C1QB: variants seen among roughly 807,000 people sequenced by gnomAD.
C1QB encodes complement C1q subcomponent subunit B.
In C1QB, 2 loss-of-function variants were observed where a neutral mutation model predicts 4.6. That is an observed-to-expected ratio of 0.43 (90% CI 0.18 to 1.36). C1QB has a LOEUF of 1.36. Among genes scored for constraint, C1QB ranks in the 40% most tolerant of loss-of-function variants. C1QB has a pLI of 0.28. For synonymous variants in C1QB, 132 were observed against 137.1 expected, an observed-to-expected ratio of 0.96 and a Z score of 0.26; for missense variants, 292 against 338.0, an observed-to-expected ratio of 0.86 and a Z score of 1.07.
chr1:22,653,475 G>T (rs1642483847), intron 1 of C1QB, among the ~76,000 whole-genome samples, 172 bp downstream of exon 1: 1 of 152,240 alleles, frequency 6.6e-6, no homozygotes, highest in African/African-American at 2.4e-5. Context: ...TCTGGGGTGA[G>T]TTGGGGAGTC....
Position 22,661,262 on chromosome 1 carries a change from T to A in C1QB, c.632T>A (p.Val211Asp). The A allele has an allele frequency of 6.2e-7, 1 of 1,613,320 alleles. No individual in the cohort carries two copies. The highest frequency in any genetic ancestry group is 8.5e-7 in the Non-Finnish European group (1 of 1,179,434). The change falls in exon 3 of 3, where the codon GTC becomes GAC. Residue 211 changes from valine to aspartate, a missense_variant. Val to Asp is a radical substitution (Grantham distance 152). Coordinates refer to ENST00000509305, the MANE Select transcript of C1QB (RefSeq NM_001378156.1). ...NTFQVTTGGM[V>D]LKLEQGENVF... Reference sequence around the variant, plus strand: ...TTCCAGGTCACCACCGGTGGCATGGTCCTCAAGCTGGAGCAGGGGGAGAAC... The same window carrying A: ...TTCCAGGTCACCACCGGTGGCATGGACCTCAAGCTGGAGCAGGGGGAGAAC...
In C1QB at chr1:22,661,439, C is replaced by A; in HGVS notation, c.*53C>A. The stretch of plus-strand genomic sequence containing the variant: ...GCTCCCCCTGCCAGCAACGCTCACT[C>A]TACCCCCAACACCACCCCTTGCCCA... On this transcript the variant is annotated 3_prime_UTR_variant, in exon 3 of 3. Coordinates refer to ENST00000509305, the MANE Select transcript of C1QB (RefSeq NM_001378156.1). 6.3e-7 allele frequency: 1 copy of A among 1,599,678 alleles called. No individual in the cohort carries two copies. Among genetic ancestry groups the A allele is most frequent in the Non-Finnish European group, 8.6e-7 (1 of 1,169,028 alleles).
rs1196315027 is a variant in C1QB at position 22,661,572 on chromosome 1, G to A, written c.*186G>A. The A allele has an allele frequency of 1.5e-6, 1 of 664,350 alleles. No homozygotes were observed. The highest frequency in any genetic ancestry group is 2.7e-5 in the East Asian group (1 of 36,516). 41.2% of individuals were successfully genotyped at this position (664,350 alleles called of 1,614,324 possible). ...ATTCAACTCTGTGTCCCAGCACCTG[G>A]CACACCAGAAGTGCCATGCTCAGAA... On this transcript the variant is annotated 3_prime_UTR_variant, in exon 3 of 3. Transcript: ENST00000509305.
chr1:22,659,041 GGATGGATGGAT>G, intron 1 of C1QB, among the ~76,000 whole-genome samples: 1 of 40,992 alleles, frequency 2.4e-5, no homozygotes, highest in Admixed American at 2.4e-4. Context: ...AGAGACAGAT[GGATGGATGGAT>G]GGATGGATGG....
intron 1 of C1QB, among the ~76,000 whole-genome samples, chr1:22,658,240 C>G (rs1642555960): frequency 6.6e-6 from 1 of 152,212 alleles, no homozygotes; most frequent in African/African-American, 2.4e-5. Context: ...TCCCCTCTGT[C>G]ATACTGGCCT....
At chr1:22,654,324 C>T (rs1162182382) in intron 1 of C1QB, among the ~76,000 whole-genome samples, 1 of 152,044 alleles carries the variant, frequency 6.6e-6, no homozygotes, top group Admixed American at 6.6e-5. Flanking sequence ...TCCCCCTGCC[C>T]CTGGCTTCCC....
At chr1:22,660,721 CAG>C in intron 2 of C1QB, 89 bp from the exon 3 acceptor site, 1 of 1,304,134 alleles carries the variant, frequency 7.7e-7, no homozygotes, top group African/African-American at 1.5e-5. Context: ...GACTGAGGCT[CAG>C]AGAGAGGCAG....
intron 2 of C1QB, among the ~76,000 whole-genome samples, chr1:22,660,249 G>T (rs759308820): frequency 6.6e-5 from 10 of 152,126 alleles, no homozygotes; most frequent in Non-Finnish European, 1.2e-4. Context: ...CTCAGTCAAG[G>T]TGACACCACT....
At chr1:22,657,346 A>C (rs1025246592) in intron 1 of C1QB, among the ~76,000 whole-genome samples, 2 of 152,224 alleles carry the variant, frequency 1.3e-5, no homozygotes, top group South Asian at 2.1e-4. Flanking sequence ...AGAAGACCAA[A>C]TATATACTTT....
At chr1:22,660,687 G>A (rs1251314501) in intron 2 of C1QB, 125 bp from the exon 3 acceptor site, 2 of 963,994 alleles carry the variant, frequency 2.1e-6, no homozygotes, top group Non-Finnish European at 3.3e-6. Context: ...GCCTGACACT[G>A]CCTCCTTCGT....
intron 1 of C1QB, among the ~76,000 whole-genome samples, chr1:22,657,304 G>A (rs1297116129): frequency 1.3e-5 from 2 of 152,104 alleles, no homozygotes; most frequent in South Asian, 2.1e-4. Context: ...GAAATTCTAA[G>A]GATTTTAGGA....
At chr1:22,653,847 T>C (rs1642488246) in intron 1 of C1QB, among the ~76,000 whole-genome samples, 1 of 152,184 alleles carries the variant, frequency 6.6e-6, no homozygotes, top group South Asian at 2.1e-4. Context: ...GCTTGACTCT[T>C]CCAAAGAAAT....
chr1:22,658,116 T>C (rs1642554239), intron 1 of C1QB, among the ~76,000 whole-genome samples: 1 of 152,130 alleles, frequency 6.6e-6, no homozygotes, highest in Non-Finnish European at 1.5e-5. Context: ...ATAAGCAGCA[T>C]CATACCCTGA....
In C1QB at chr1:22,653,246, C is replaced by T. The variant is rs1294173494; in HGVS notation, c.-81C>T. ...CTTCGGACCGAGGGCAGTAGGCTCT[C>T]GGCTCCTGGTCCCACTGCTGCTCAG... On this transcript the variant is annotated 5_prime_UTR_variant, in exon 1 of 3. Transcript: ENST00000509305. 2.0e-5 allele frequency: 3 copies of T among 152,204 alleles called. No individual in the cohort carries two copies. Among genetic ancestry groups the T allele is most frequent in the East Asian group, 1.9e-4 (1 of 5,160 alleles). The allele number at this position is 152,204 out of a possible 1,614,324, so 9.4% of individuals were successfully genotyped here.
At chr1:22,657,876 C>G (rs1642550798) in intron 1 of C1QB, among the ~76,000 whole-genome samples, 1 of 152,132 alleles carries the variant, frequency 6.6e-6, no homozygotes, top group Non-Finnish European at 1.5e-5. Flanking sequence ...CCGGCTTCTT[C>G]CTAGTTCTTT....
rs1386286139 is a variant in C1QB, at chr1:22,659,536, C to T, written c.74C>T (p.Ala25Val). ...LLLGLIDISQ[A>V]QLSCTGPPAI... Reference sequence around the variant, plus strand: ...CTGGGCCTAATCGATATCTCCCAGGCCCAGCTCAGCTGCACCGGGCCCCCA... The same window carrying T: ...CTGGGCCTAATCGATATCTCCCAGGTCCAGCTCAGCTGCACCGGGCCCCCA... Residue 25 changes from alanine to valine, a missense_variant, in exon 2 of 3, where the codon GCC becomes GTC. By Grantham distance (64) the Ala-to-Val change is moderately conservative (BLOSUM62 0). Coordinates refer to ENST00000509305, the MANE Select transcript of C1QB (RefSeq NM_001378156.1). 1 of 1,614,054 alleles carries T rather than the reference C, an allele frequency of 6.2e-7. No homozygotes were observed. Among genetic ancestry groups the T allele is most frequent in the South Asian group, 1.1e-5 (1 of 91,074 alleles).
At position 22,660,812 on chromosome 1, in the gene C1QB, G is replaced by A; in HGVS notation, c.182G>A (p.Gly61Glu). Residue 61 changes from glycine (G) to glutamate (E), a missense_variant and splice_region_variant, in exon 3 of 3, where the codon GGG (glycine) becomes GAG (glutamate). Transcript: ENST00000509305. The stretch of plus-strand genomic sequence containing the variant: ...ACTTCTTTGGTCTCTGCTTTTCCAG[G>A]GCTTCCAGGGCTGGCTGGAGACCAT... Reference protein sequence around the residue: ...PGTPGIKGEKGLPGLAGDHGE... With the variant: ...PGTPGIKGEKELPGLAGDHGE... The A allele has an allele frequency of 6.2e-7, 1 of 1,613,912 alleles. No homozygotes were observed. The highest frequency in any genetic ancestry group is 8.5e-7 in the Non-Finnish European group (1 of 1,179,970).
In C1QB at chr1:22,661,147, A is replaced by G. The variant is rs1225608092; in HGVS notation, c.517A>G (p.Ser173Gly). 6.2e-7 allele frequency: 1 copy of G among 1,614,126 alleles called. No homozygotes were observed. The highest frequency in any genetic ancestry group is 8.5e-7 in the Non-Finnish European group (1 of 1,180,006). ...TCTCTACTACTTCACCTACCACGCCAGCTCTCGAGGGAACCTGTGCGTGAA... is the reference window on the plus strand; with the variant it reads ...TCTCTACTACTTCACCTACCACGCCGGCTCTCGAGGGAACCTGTGCGTGAA... ...PGLYYFTYHA[S>G]SRGNLCVNLM... Residue 173 changes from serine (S) to glycine (G), a missense_variant, in exon 3 of 3, where the codon AGC becomes GGC. Coordinates refer to ENST00000509305, the MANE Select transcript of C1QB (RefSeq NM_001378156.1).
intron 2 of C1QB, among the ~76,000 whole-genome samples, chr1:22,660,233 A>G (rs1642600578): frequency 6.6e-6 from 1 of 152,306 alleles, no homozygotes; most frequent in East Asian, 1.9e-4. Flanking sequence ...TCCTCAGGAA[A>G]TGTGACTCAG....
Sources: allele counts gnomAD v4.1 joint callset (sites outside exome capture counted in the v4.1 genomes callset), GRCh38; gene constraint gnomAD v4.1.1; transcripts MANE v1.5; gene names NCBI Gene and HGNC (gene_info 2026-07-23, HGNC 2026-07-21).